SLC24A4: variants seen among roughly 807,000 people sequenced by gnomAD.
SLC24A4 encodes the protein solute carrier family 24 member 4.
Under a neutral mutation model 79.0 loss-of-function variants are expected in SLC24A4, and 53 were observed. The ratio of observed to expected loss-of-function variants is 0.67; its 90% CI spans 0.54 to 0.84. SLC24A4 has a LOEUF of 0.84. Among genes scored for constraint, SLC24A4 ranks in the 40% least tolerant of loss-of-function variants. The probability of loss-of-function intolerance (pLI) is 0.00; values close to 1 mark genes in which losing one functional copy is unlikely to be tolerated. For synonymous variants in SLC24A4, 323 were observed against 323.8 expected, an observed-to-expected ratio of 1.00 and a Z score of 0.03; for missense variants, 731 against 822.0, an observed-to-expected ratio of 0.89 and a Z score of 1.35.
At chr14:92,331,361 G>T (rs552672421) in intron 2 of SLC24A4, among the ~76,000 whole-genome samples, 2 of 152,136 alleles carry the variant, frequency 1.3e-5, no homozygotes, top group Admixed American at 1.3e-4. Flanking sequence ...TCAGCTTACT[G>T]CAGTCTCGAC....
At chr14:92,388,598 G>T (rs760572802) in intron 2 of SLC24A4, among the ~76,000 whole-genome samples, 9 of 152,226 alleles carry the variant, frequency 5.9e-5, no homozygotes, top group Non-Finnish European at 1.2e-4. Context: ...GGACTCTGCA[G>T]CTGTGCATTT....
intron 10 of SLC24A4, chr14:92,451,667 G>A (rs1050719703): frequency 6.6e-6 from 1 of 152,254 alleles, no homozygotes; most frequent in African/African-American, 2.4e-5. Flanking sequence ...AAAGTGGGCA[G>A]AAAGCCTTTT....
At position 92,482,905 on chromosome 14, in the gene SLC24A4, G is replaced by A. The variant is rs528586681; in HGVS notation, c.1422+59G>A. 7.7e-5 allele frequency: 118 copies of A among 1,529,308 alleles called. No homozygotes were observed. In the African/African-American group the frequency reaches 1.5e-3, roughly 20 times the overall value. 94.7% of individuals were successfully genotyped at this position (1,529,308 alleles called of 1,614,324 possible). ...ACAGCCAGGGAGAGGTGGAGAGCTG[G>A]GTTCAAGGCTAACCACAGGTACTGC... On this transcript the variant is annotated intron_variant, in intron 13 of 16. Transcript: ENST00000532405.
At chr14:92,438,439 C>A (rs544899262) in intron 3 of SLC24A4, among the ~76,000 whole-genome samples, 3,357 of 152,156 alleles carry the variant, frequency 0.022, 109 homozygotes, top group African/African-American at 0.07. Context: ...CTCCCCCCGC[C>A]ATCTCTACAA....
At chr14:92,408,094 A>G (rs138497901) in intron 2 of SLC24A4, among the ~76,000 whole-genome samples, 215 of 148,994 alleles carry the variant, frequency 1.4e-3, no homozygotes, top group African/African-American at 5.2e-3. Flanking sequence ...GATAGAAATT[A>G]TTTCCAATAA....
intron 12 of SLC24A4, among the ~76,000 whole-genome samples, chr14:92,477,920 C>T (rs1176851266): frequency 6.6e-6 from 1 of 151,870 alleles, no homozygotes; most frequent in Non-Finnish European, 1.5e-5. Flanking sequence ...TCCATCCCAG[C>T]CTCAGCCTCC....
intron 2 of SLC24A4, among the ~76,000 whole-genome samples, chr14:92,420,367 C>T (rs185164278): frequency 8.9e-4 from 136 of 152,194 alleles, no homozygotes; most frequent in Middle Eastern, 3.4e-3. Flanking sequence ...ATAGTCCCAG[C>T]TACTCGGCAG....
At chr14:92,410,036 T>C in intron 2 of SLC24A4, among the ~76,000 whole-genome samples, 1 of 152,100 alleles carries the variant, frequency 6.6e-6, no homozygotes, top group East Asian at 1.9e-4. Context: ...TGGTGTCTAT[T>C]TGAGGGGGGA....
At chr14:92,474,162 C>T (rs1421739071) in intron 12 of SLC24A4, among the ~76,000 whole-genome samples, 2 of 152,192 alleles carry the variant, frequency 1.3e-5, no homozygotes. Context: ...ATATGTGGGG[C>T]TTCTTTGCTG....
chr14:92,430,483 A>G (rs1252969055), intron 2 of SLC24A4, among the ~76,000 whole-genome samples: 1 of 152,192 alleles, frequency 6.6e-6, no homozygotes, highest in Non-Finnish European at 1.5e-5. Flanking sequence ...TTCTGTCCCC[A>G]AGGATTTTGG....
chr14:92,341,546 A>C (rs543036869), intron 2 of SLC24A4, among the ~76,000 whole-genome samples: 2 of 152,198 alleles, frequency 1.3e-5, no homozygotes, highest in Admixed American at 6.5e-5. Flanking sequence ...CGGCAAAGAG[A>C]GCTGTGTGAA....
intron 2 of SLC24A4, among the ~76,000 whole-genome samples, chr14:92,397,120 T>C (rs191630251): frequency 6.6e-6 from 1 of 152,350 alleles, no homozygotes; most frequent in East Asian, 1.9e-4. Context: ...AGAAAAAGCT[T>C]CACCCCTTTG....
At chr14:92,439,578 A>G (rs1406206796) in intron 4 of SLC24A4, among the ~76,000 whole-genome samples, 169 bp downstream of exon 4, 1 of 152,234 alleles carries the variant, frequency 6.6e-6, no homozygotes, top group African/African-American at 2.4e-5. Context: ...AAACCCTCAA[A>G]TTGGTCTTGG....
chr14:92,486,900 G>A (rs2139934967), intron 14 of SLC24A4, 120 bp downstream of exon 14: 1 of 640,822 alleles, frequency 1.6e-6, no homozygotes, highest in Non-Finnish European at 2.7e-6. Context: ...AAGTCCTGCT[G>A]TGGAGAAAAA....
intron 2 of SLC24A4, among the ~76,000 whole-genome samples, chr14:92,414,167 G>A (rs571585493): frequency 5.3e-5 from 8 of 152,172 alleles, no homozygotes; most frequent in South Asian, 4.1e-4. Context: ...TATTGGCATC[G>A]GGGGCTGGAT....
At chr14:92,374,063 C>T (rs895496850) in intron 2 of SLC24A4, among the ~76,000 whole-genome samples, 3 of 152,180 alleles carry the variant, frequency 2.0e-5, no homozygotes, top group Non-Finnish European at 4.4e-5. Context: ...TATTATTGCA[C>T]CCGTTTACCT....
intron 9 of SLC24A4, among the ~76,000 whole-genome samples, chr14:92,448,355 C>CACACACACACACAT (rs1892924524): frequency 6.6e-6 from 1 of 150,684 alleles, no homozygotes; most frequent in Non-Finnish European, 1.5e-5. Flanking sequence ...TACACACACA[C>CACACACACACACAT]ACACACACAC....
At chr14:92,373,831 G>A (rs1322735686) in intron 2 of SLC24A4, among the ~76,000 whole-genome samples, 1 of 152,150 alleles carries the variant, frequency 6.6e-6, no homozygotes, top group Non-Finnish European at 1.5e-5. Flanking sequence ...AAAATTAGAG[G>A]TAATAATGTA....
intron 1 of SLC24A4, among the ~76,000 whole-genome samples, chr14:92,324,344 C>A (rs1288786293): frequency 6.6e-6 from 1 of 152,210 alleles, no homozygotes; most frequent in Non-Finnish European, 1.5e-5. Flanking sequence ...TTCTGCAGAG[C>A]CGCAGGAACC....
Sources: allele counts gnomAD v4.1 joint callset (sites outside exome capture counted in the v4.1 genomes callset), GRCh38; gene constraint gnomAD v4.1.1; transcripts MANE v1.5; gene names NCBI Gene and HGNC (gene_info 2026-07-23, HGNC 2026-07-21).